Variants in MAPK8 observed in about 807,000 individuals in gnomAD.
MAPK8 encodes the protein mitogen-activated protein kinase 8, also known as JUN N-terminal kinase.
A neutral mutation model predicts 52.9 loss-of-function variants in MAPK8; 13 were observed. The ratio of observed to expected loss-of-function variants is 0.25; its 90% CI spans 0.16 to 0.39. The LOEUF is 0.39. Ranked by LOEUF, MAPK8 falls within the 10% of genes least tolerant of loss-of-function variation. The pLI, the probability that MAPK8 is intolerant of heterozygous loss-of-function variation, is 1.00. For synonymous variants in MAPK8, 191 were observed against 169.8 expected (o/e 1.12, Z -0.97); for missense variants, 300 against 519.2 (o/e 0.58, Z 4.10).
chr10:48,318,819 G>A (rs754569075), intron 1 of MAPK8, among the ~76,000 whole-genome samples: 17 of 152,186 alleles, frequency 1.1e-4, no homozygotes, highest in African/African-American at 2.2e-4. Context: ...GAGGCTAGAC[G>A]AACAAGAAAG....
chr10:48,401,852 A>G (rs775880727), intron 2 of MAPK8, 70 bp downstream of exon 2: 7 of 1,225,532 alleles, frequency 5.7e-6, no homozygotes, highest in Non-Finnish European at 7.5e-6. Context: ...CGTAATTTAG[A>G]TACCTTGGCA....
chr10:48,379,176 G>A (rs2040842730), intron 1 of MAPK8, among the ~76,000 whole-genome samples: 1 of 152,164 alleles, frequency 6.6e-6, no homozygotes, highest in Non-Finnish European at 1.5e-5. Context: ...TCACAGTTTG[G>A]TGAATTCTTC....
chr10:48,404,449 C>G (rs1419832115), intron 2 of MAPK8, among the ~76,000 whole-genome samples: 1 of 152,190 alleles, frequency 6.6e-6, no homozygotes, highest in Non-Finnish European at 1.5e-5. Flanking sequence ...AGCCACTGCA[C>G]CCAGCCTCGT....
chr10:48,426,659 A>G (rs1238798538), intron 9 of MAPK8, 155 bp downstream of exon 9: 1 of 718,562 alleles, frequency 1.4e-6, no homozygotes, highest in Non-Finnish European at 2.2e-6. Flanking sequence ...CAAATAAACT[A>G]ATGAACATAT....
intron 1 of MAPK8, among the ~76,000 whole-genome samples, chr10:48,378,310 C>T (rs562879909): frequency 6.6e-6 from 1 of 152,256 alleles, no homozygotes; most frequent in East Asian, 1.9e-4. Context: ...AGAAATGAGA[C>T]CTCAGTTAAG....
At chr10:48,381,332 A>G (rs1384085049) in intron 1 of MAPK8, among the ~76,000 whole-genome samples, 1 of 152,116 alleles carries the variant, frequency 6.6e-6, no homozygotes, top group Non-Finnish European at 1.5e-5. Flanking sequence ...ACTAGGCAAA[A>G]TTACTTTTCC....
intron 5 of MAPK8, among the ~76,000 whole-genome samples, chr10:48,413,815 T>TTATATATATATACA (rs2042894870): frequency 2.1e-5 from 1 of 48,378 alleles, no homozygotes; most frequent in African/African-American, 7.6e-5. Context: ...GCCAGAATTG[T>TTATATATATATACA]TATATATATA....
chr10:48,313,091 G>GTT (rs1218170739), intron 1 of MAPK8, among the ~76,000 whole-genome samples: 7 of 152,164 alleles, frequency 4.6e-5, no homozygotes, highest in Non-Finnish European at 2.9e-5. Context: ...AAAATCCCTA[G>GTT]TAAGAGGTTG....
chr10:48,417,361 T>C (rs1280148600), intron 5 of MAPK8, among the ~76,000 whole-genome samples: 1 of 152,234 alleles, frequency 6.6e-6, no homozygotes, highest in Non-Finnish European at 1.5e-5. Flanking sequence ...CAAGCTTCTG[T>C]TGGCAGACTG....
Position 48,360,643 on chromosome 10 carries a change from CCA to C in MAPK8, c.-49-40961_-49-40960del, listed in dbSNP as rs1392158709. 2.6e-5 allele frequency among the ~76,000 whole-genome samples: 4 copies of C among 152,100 alleles called. No individual in the cohort carries two copies. In the East Asian group the frequency reaches 5.8e-4, roughly 22 times the overall value. On this transcript the variant is annotated intron_variant, in intron 1 of 11. Transcript: ENST00000374189. ...CATAGGCCCAATTTGTGAACTACAG[CCA>C]CACACACTCTCACACGCATGTATCA...
intron 1 of MAPK8, among the ~76,000 whole-genome samples, chr10:48,386,788 C>T (rs2041338349): frequency 6.6e-6 from 1 of 152,112 alleles, no homozygotes; most frequent in Non-Finnish European, 1.5e-5. Flanking sequence ...TATAGCAAGA[C>T]CTCATCTCCA....
intron 1 of MAPK8, among the ~76,000 whole-genome samples, chr10:48,399,798 A>G (rs910041866): frequency 4.6e-5 from 7 of 152,152 alleles, no homozygotes; most frequent in East Asian, 3.9e-4. Context: ...GACTCCTCCA[A>G]GTAAGGTTAG....
intron 9 of MAPK8, 35 bp downstream of exon 9, chr10:48,426,539 G>C (rs1325516481): frequency 6.3e-7 from 1 of 1,586,230 alleles, no homozygotes; most frequent in South Asian, 1.2e-5. Context: ...AGAACATATT[G>C]CATTCTTAGA....
chr10:48,423,127 C>G (rs975887080), intron 6 of MAPK8, among the ~76,000 whole-genome samples: 1 of 152,144 alleles, frequency 6.6e-6, no homozygotes, highest in African/African-American at 2.4e-5. Flanking sequence ...ATGTTCAAAC[C>G]CAAAGGCATA....
At chr10:48,364,729 A>G (rs568116934) in intron 1 of MAPK8, among the ~76,000 whole-genome samples, 2 of 152,260 alleles carry the variant, frequency 1.3e-5, no homozygotes, top group South Asian at 2.1e-4. Flanking sequence ...GAAAATAATT[A>G]TTTTCTGAAA....
intron 1 of MAPK8, among the ~76,000 whole-genome samples, chr10:48,343,022 C>G (rs977848895): frequency 3.3e-5 from 5 of 152,148 alleles, no homozygotes; most frequent in African/African-American, 9.7e-5. Context: ...TTAAAGAAGC[C>G]TGCAAAGAAC....
At chr10:48,328,673 A>T (rs974650585) in intron 1 of MAPK8, among the ~76,000 whole-genome samples, 1 of 152,224 alleles carries the variant, frequency 6.6e-6, no homozygotes, top group African/African-American at 2.4e-5. Flanking sequence ...TTGGTAGTCA[A>T]CAAGAGCAAC....
At chr10:48,348,091 C>T (rs529299396) in intron 1 of MAPK8, among the ~76,000 whole-genome samples, 1 of 152,360 alleles carries the variant, frequency 6.6e-6, no homozygotes, top group South Asian at 2.1e-4. Context: ...GCCATTCTAA[C>T]TGGCGTGAAA....
intron 1 of MAPK8, among the ~76,000 whole-genome samples, chr10:48,356,792 A>C (rs968736300): frequency 2.6e-4 from 34 of 129,824 alleles, no homozygotes; most frequent in South Asian, 2.7e-4. Flanking sequence ...CAGTGAGCTG[A>C]ATTTGCACCA....
Sources: gnomAD v4.1 joint callset for allele counts (sites outside exome capture counted in the v4.1 genomes callset) on GRCh38, gnomAD v4.1.1 for gene constraint, MANE v1.5 for transcripts, NCBI Gene and HGNC (gene_info 2026-07-23, HGNC 2026-07-21) for gene names.